The following AGBL4 variants were observed in gnomAD, a reference collection of about 807,000 sequenced individuals.
AGBL4 encodes cytosolic carboxypeptidase 6.
AGBL4 carries 58 observed loss-of-function variants against 66.4 expected under a neutral mutation model. The ratio of observed to expected loss-of-function variants is 0.87; its 90% CI spans 0.71 to 1.09. The LOEUF (loss-of-function observed/expected upper bound fraction) is 1.09, where lower values mean the gene tolerates loss of function less well. Among genes scored for constraint, AGBL4 ranks in the 50% least tolerant of loss-of-function variants. The pLI is 0.00. For missense variants in AGBL4, 579 were observed against 631.0 expected (o/e 0.92, Z 0.88); for synonymous variants, 234 against 222.9 (o/e 1.05, Z -0.44).
intron 5 of AGBL4, among the ~76,000 whole-genome samples, chr1:48,961,475 T>TGA (rs761526733): frequency 2.0e-5 from 3 of 152,178 alleles, no homozygotes; most frequent in Non-Finnish European, 4.4e-5. Flanking sequence ...TTACACTCCC[T>TGA]GAGAGAGAGT....
In AGBL4 at chr1:48,945,691, G is replaced by C. The variant is rs182956940; in HGVS notation, c.595-78461C>G. On this transcript the variant is annotated intron_variant, in intron 5 of 13. Transcript: ENST00000371839. ...AACTTTATTTTTCAAAATCTGACTC[G>C]ACTCTGTATTGCCAGGTGCTATGTA... is the stretch of plus-strand genomic sequence containing the variant. Among the ~76,000 whole-genome samples, 66 of 152,224 alleles carry C rather than the reference G, an allele frequency of 4.3e-4. 1 individual carries two copies. In the East Asian group the frequency reaches 0.013, roughly 29 times the overall value.
intron 9 of AGBL4, among the ~76,000 whole-genome samples, chr1:48,595,719 G>A (rs964320187): frequency 5.9e-5 from 9 of 152,212 alleles, no homozygotes; most frequent in African/African-American, 2.2e-4. Flanking sequence ...TTAGTGTGGA[G>A]TTTGCTTCCA....
At chr1:49,736,748 A>C (rs1649924526) in intron 2 of AGBL4, among the ~76,000 whole-genome samples, 1 of 152,156 alleles carries the variant, frequency 6.6e-6, no homozygotes, top group Admixed American at 6.5e-5. Context: ...GAATGGGAGA[A>C]GATACTTGCA....
intron 6 of AGBL4, among the ~76,000 whole-genome samples, chr1:48,839,821 A>C (rs1646758641): frequency 6.6e-6 from 1 of 152,194 alleles, no homozygotes; most frequent in Non-Finnish European, 1.5e-5. Flanking sequence ...TCTTGGTGTC[A>C]GCCCAGTGTG....
chr1:49,987,859 A>G (rs1231834135), intron 1 of AGBL4, among the ~76,000 whole-genome samples: 1 of 151,982 alleles, frequency 6.6e-6, no homozygotes, highest in Non-Finnish European at 1.5e-5. Context: ...AAACAATTGT[A>G]GGTAAATGGA....
chr1:49,549,932 A>G (rs1418933553), intron 3 of AGBL4, among the ~76,000 whole-genome samples: 2 of 152,104 alleles, frequency 1.3e-5, no homozygotes, highest in African/African-American at 2.4e-5. Flanking sequence ...TCTTAGGTCT[A>G]TTAGTAATTG....
At chr1:49,727,723 G>T (rs1649137672) in intron 2 of AGBL4, among the ~76,000 whole-genome samples, 1 of 152,088 alleles carries the variant, frequency 6.6e-6, no homozygotes, top group Non-Finnish European at 1.5e-5. Flanking sequence ...AAAGTAGAGG[G>T]CTGCTCATTA....
intron 3 of AGBL4, among the ~76,000 whole-genome samples, chr1:49,500,442 T>C (rs1350723744): frequency 6.6e-6 from 1 of 151,518 alleles, no homozygotes; most frequent in African/African-American, 2.4e-5. Flanking sequence ...TTTTTGTTCA[T>C]GAACTCTGCC....
chr1:49,735,288 GGTGTGTGGGTGTGTGTGT>G (rs1000500163), intron 2 of AGBL4, among the ~76,000 whole-genome samples: 13 of 115,142 alleles, frequency 1.1e-4, no homozygotes, highest in African/African-American at 3.8e-4. Flanking sequence ...AAGAGGTAGA[GGTGTGTGGGTGTGTGTGT>G]GTGTGTGTGT....
chr1:49,871,382 C>CA (rs1194032018), intron 1 of AGBL4, among the ~76,000 whole-genome samples: 1 of 151,944 alleles, frequency 6.6e-6, no homozygotes, highest in Non-Finnish European at 1.5e-5. Context: ...TCTCCTTTCA[C>CA]AAAAAATAAA....
intron 5 of AGBL4, among the ~76,000 whole-genome samples, chr1:48,986,890 G>A (rs72682940): frequency 0.033 from 5,056 of 152,054 alleles, 115 homozygotes; most frequent in Non-Finnish European, 0.05. Flanking sequence ...TACATATGAA[G>A]CAGCATAATG....
intron 3 of AGBL4, among the ~76,000 whole-genome samples, chr1:49,608,204 G>A (rs1645094133): frequency 6.6e-6 from 1 of 152,104 alleles, no homozygotes; most frequent in African/African-American, 2.4e-5. Flanking sequence ...ATGAGTGAAG[G>A]TCTGGAGCTT....
intron 5 of AGBL4, among the ~76,000 whole-genome samples, chr1:48,891,214 G>A (rs1650929350): frequency 6.6e-6 from 1 of 152,140 alleles, no homozygotes; most frequent in African/African-American, 2.4e-5. Flanking sequence ...GTCACTAAAT[G>A]TTTTTGAGTA....
intron 4 of AGBL4, among the ~76,000 whole-genome samples, chr1:49,173,436 T>C (rs1043494564): frequency 6.6e-6 from 1 of 152,180 alleles, no homozygotes; most frequent in African/African-American, 2.4e-5. Flanking sequence ...GAGTCTGTAC[T>C]TTTTGCTTAC....
intron 4 of AGBL4, among the ~76,000 whole-genome samples, chr1:49,072,961 C>G (rs1644639128): frequency 6.6e-6 from 1 of 151,876 alleles, no homozygotes; most frequent in South Asian, 2.1e-4. Context: ...TTTTTTTTAT[C>G]TAATCTTGTC....
At chr1:49,979,357 AG>A (rs1200781594) in intron 1 of AGBL4, among the ~76,000 whole-genome samples, 1 of 151,438 alleles carries the variant, frequency 6.6e-6, no homozygotes, top group African/African-American at 2.4e-5. Flanking sequence ...GCTACTCGGG[AG>A]GCTGAGGCAG....
In AGBL4 at chr1:48,652,928, C is replaced by T. The variant is rs549192826; in HGVS notation, c.839+409G>A. On this transcript the variant is annotated intron_variant, in intron 8 of 13. Coordinates refer to ENST00000371839, the MANE Select transcript of AGBL4 (RefSeq NM_032785.4). Reference sequence around the variant, plus strand: ...AACAGTCATCATTATAACTACCCCACGATATTCTGCAAAACACATTCCTTC... The same window carrying T: ...AACAGTCATCATTATAACTACCCCATGATATTCTGCAAAACACATTCCTTC... Among the ~76,000 whole-genome samples the T allele has an allele frequency of 1.3e-4, 20 of 152,234 alleles. No homozygotes were observed. In the South Asian group the frequency reaches 2.1e-3, roughly 16 times the overall value.
At chr1:48,786,982 T>G (rs1645424742) in intron 6 of AGBL4, among the ~76,000 whole-genome samples, 1 of 152,192 alleles carries the variant, frequency 6.6e-6, no homozygotes, top group African/African-American at 2.4e-5. Context: ...TGTGCTAGGC[T>G]TTATGTACAT....
chr1:48,652,682 A>G (rs573188770), intron 8 of AGBL4, among the ~76,000 whole-genome samples: 1 of 152,346 alleles, frequency 6.6e-6, no homozygotes, highest in East Asian at 1.9e-4. Flanking sequence ...TAAGGGCAAT[A>G]ACACTATCTA....
Sources: gnomAD v4.1 joint callset for allele counts (sites outside exome capture counted in the v4.1 genomes callset) on GRCh38, gnomAD v4.1.1 for gene constraint, MANE v1.5 for transcripts, NCBI Gene and HGNC (gene_info 2026-07-23, HGNC 2026-07-21) for gene names.